AGBL1: variants seen among roughly 807,000 people sequenced by gnomAD.
The protein encoded by AGBL1 is AGBL carboxypeptidase 1, also known as cytosolic carboxypeptidase 4.
A neutral mutation model predicts 118.9 loss-of-function variants in AGBL1; 130 were observed. The observed-to-expected ratio is 1.09, with a 90% CI of 0.95 to 1.26. The LOEUF (loss-of-function observed/expected upper bound fraction) is 1.26, where lower values mean the gene tolerates loss of function less well. AGBL1 is among the 50% of genes most tolerant of loss of function. The pLI, the probability that AGBL1 is intolerant of heterozygous loss-of-function variation, is 0.00. For synonymous variants in AGBL1, 555 were observed against 478.9 expected (o/e 1.16, Z -2.08); for missense variants, 1,584 against 1,298.1 (o/e 1.22, Z -3.38).
chr15:86,143,519 CA>C (rs2076991925), intron 2 of AGBL1, among the ~76,000 whole-genome samples, 179 bp from the exon 3 acceptor site: 1 of 152,230 alleles, frequency 6.6e-6, no homozygotes, highest in Non-Finnish European at 1.5e-5. Flanking sequence ...TCCTATTTCA[CA>C]ACCCTCTTCC....
At chr15:86,590,795 C>A (rs1449427244) in intron 21 of AGBL1, among the ~76,000 whole-genome samples, 1 of 152,186 alleles carries the variant, frequency 6.6e-6, no homozygotes, top group Non-Finnish European at 1.5e-5. Flanking sequence ...GGAAAGACAG[C>A]TTTGCAGAGC....
intron 17 of AGBL1, among the ~76,000 whole-genome samples, chr15:86,305,651 A>G (rs2079827475): frequency 6.6e-6 from 1 of 152,190 alleles, no homozygotes; most frequent in Non-Finnish European, 1.5e-5. Context: ...TATTCCTCCT[A>G]TTACTACTCC....
intron 5 of AGBL1, among the ~76,000 whole-genome samples, chr15:86,207,094 C>G (rs143011527): frequency 2.0e-5 from 3 of 152,094 alleles, no homozygotes; most frequent in Non-Finnish European, 4.4e-5. Flanking sequence ...TTGTTTTTGT[C>G]AGGTTTGTCA....
In AGBL1 at chr15:86,212,757, C is replaced by G. The variant is rs562736924; in HGVS notation, c.489-12157C>G. 3.3e-5 allele frequency among the ~76,000 whole-genome samples: 5 copies of G among 152,314 alleles called. No individual in the cohort carries two copies. The East Asian group carries it at 9.6e-4, about 29-fold the overall frequency. Reference sequence around the variant, plus strand: ...CTCAGCCTCCCAGGTTCAAGCGATTCTTCTGCCTCAGCCTCCCAAGTAGCT... The same window carrying G: ...CTCAGCCTCCCAGGTTCAAGCGATTGTTCTGCCTCAGCCTCCCAAGTAGCT... On this transcript the variant is annotated intron_variant, in intron 5 of 22. Coordinates refer to ENST00000614907, the MANE Select transcript of AGBL1 (RefSeq NM_001386094.1).
chr15:86,931,682 GGT>G (rs1482248588), intron 23 of AGBL1, among the ~76,000 whole-genome samples: 2 of 151,952 alleles, frequency 1.3e-5, no homozygotes, highest in African/African-American at 4.8e-5. Context: ...GAAATTTTAA[GGT>G]ATGTGTGTGG....
chr15:86,612,852 T>C (rs2084676190), intron 21 of AGBL1, among the ~76,000 whole-genome samples: 3 of 152,340 alleles, frequency 2.0e-5, no homozygotes. Context: ...CCTTGGCTTC[T>C]GCAATATCCC....
At chr15:86,559,105 C>T (rs1329181528) in intron 21 of AGBL1, among the ~76,000 whole-genome samples, 1 of 152,184 alleles carries the variant, frequency 6.6e-6, no homozygotes, top group Non-Finnish European at 1.5e-5. Context: ...ATGGCCTTCT[C>T]TACCTGTGAA....
intron 22 of AGBL1, among the ~76,000 whole-genome samples, chr15:86,898,135 A>G (rs2141574391): frequency 6.6e-6 from 1 of 152,290 alleles, no homozygotes; most frequent in South Asian, 2.1e-4. Flanking sequence ...AAATAGCAGG[A>G]AAAAACTTCT....
At chr15:86,981,032 G>A (rs566769748) in intron 23 of AGBL1, among the ~76,000 whole-genome samples, 12 of 151,830 alleles carry the variant, frequency 7.9e-5, no homozygotes, top group Admixed American at 2.0e-4. Flanking sequence ...GACTACAGGC[G>A]CACGCTGCCA....
intron 7 of AGBL1, among the ~76,000 whole-genome samples, chr15:86,250,525 C>CAAAA (rs60432449): frequency 2.6e-5 from 1 of 38,972 alleles, no homozygotes; most frequent in African/African-American, 9.6e-5. Context: ...GACTCTGTCT[C>CAAAA]AAAAAAAAAA....
chr15:86,251,020 A>T (rs1017712567), intron 7 of AGBL1, among the ~76,000 whole-genome samples: 1 of 152,208 alleles, frequency 6.6e-6, no homozygotes, highest in African/African-American at 2.4e-5. Context: ...AGAGGAAGAG[A>T]AGAAGTAGGA....
Position 86,613,615 on chromosome 15 carries a change from G to A in AGBL1, c.2994+59078G>A, listed in dbSNP as rs8041478. On this transcript the variant is annotated intron_variant, in intron 21 of 22. Coordinates refer to ENST00000614907, the MANE Select transcript of AGBL1 (RefSeq NM_001386094.1). The surrounding 1 kb of genome is among the most constrained non-coding windows in gnomAD (Gnocchi z 4.2). ...TTTCAGATCACAGAAAGTAAGTCAC[G>A]AGTACTTACCAGCTACCTAAAGAAG... Among the ~76,000 whole-genome samples the A allele has an allele frequency of 0.018, 2,701 of 152,244 alleles. 85 individuals carry two copies. The highest frequency in any genetic ancestry group is 0.062 in the African/African-American group (2,560 of 41,544).
chr15:86,900,345 C>T (rs960868763), intron 22 of AGBL1, among the ~76,000 whole-genome samples: 2 of 152,148 alleles, frequency 1.3e-5, no homozygotes, highest in African/African-American at 4.8e-5. Context: ...ATGTTTCTTA[C>T]TTTTCCTAGT....
chr15:86,954,359 A>G (rs1373246624), intron 23 of AGBL1, among the ~76,000 whole-genome samples: 1 of 152,222 alleles, frequency 6.6e-6, no homozygotes, highest in African/African-American at 2.4e-5. Flanking sequence ...TTGTATGTTC[A>G]TCACTGTGCT....
chr15:86,603,639 C>A (rs1250480920), intron 21 of AGBL1, among the ~76,000 whole-genome samples: 1 of 152,090 alleles, frequency 6.6e-6, no homozygotes, highest in East Asian at 1.9e-4. Context: ...TCGAATCTCT[C>A]AGAGGGGAGC....
chr15:86,520,322 C>A (rs1488936343), intron 18 of AGBL1, among the ~76,000 whole-genome samples: 3 of 152,126 alleles, frequency 2.0e-5, no homozygotes, highest in Non-Finnish European at 4.4e-5. Context: ...TTCATTCGAT[C>A]CTCAAAATAA....
intron 19 of AGBL1, among the ~76,000 whole-genome samples, chr15:86,537,854 C>T (rs973946073): frequency 6.6e-6 from 1 of 152,140 alleles, no homozygotes; most frequent in Non-Finnish European, 1.5e-5. Context: ...AGTGTAAAAT[C>T]TCAGCATGGT....
chr15:87,027,581 G>A (rs145801696), intron 24 of AGBL1, among the ~76,000 whole-genome samples: 288 of 151,776 alleles, frequency 1.9e-3, no homozygotes, highest in African/African-American at 6.7e-3. Context: ...ATACATGCAC[G>A]TTTATGTTCA....
intron 18 of AGBL1, among the ~76,000 whole-genome samples, chr15:86,507,542 T>C (rs2082992349): frequency 1.3e-5 from 2 of 152,156 alleles, no homozygotes; most frequent in Non-Finnish European, 2.9e-5. Context: ...AGGGTAGATA[T>C]GTAATACAAT....
Sources: gnomAD v4.1 joint callset for allele counts (sites outside exome capture counted in the v4.1 genomes callset) on GRCh38, gnomAD v4.1.1 for gene constraint, Gnocchi (gnomAD v3.1) non-coding constraint, MANE v1.5 for transcripts, NCBI Gene and HGNC (gene_info 2026-07-23, HGNC 2026-07-21) for gene names.